SOCS5: variants seen among roughly 807,000 people sequenced by gnomAD.
SOCS5 encodes suppressor of cytokine signaling 5.
In SOCS5, 32 loss-of-function variants were observed where a neutral mutation model predicts 42.8. That is an observed-to-expected ratio of 0.75 (90% CI 0.56 to 1.01). The LOEUF is 1.01. SOCS5 is among the 50% of genes least tolerant of loss of function. The probability of loss-of-function intolerance (pLI) is 0.00; values close to 1 mark genes in which losing one functional copy is unlikely to be tolerated. For missense variants in SOCS5, 627 were observed against 653.0 expected (o/e 0.96, Z 0.43); for synonymous variants, 283 against 229.6 (o/e 1.23, Z -2.10).
intron 1 of SOCS5, among the ~76,000 whole-genome samples, chr2:46,738,687 A>G (rs992971892): frequency 2.6e-5 from 4 of 152,148 alleles, no homozygotes; most frequent in African/African-American, 9.7e-5. Context: ...TTTGTTTATA[A>G]CTGTAAAGGT....
At chr2:46,707,786 G>T (rs567693898) in intron 1 of SOCS5, among the ~76,000 whole-genome samples, 1 of 152,076 alleles carries the variant, frequency 6.6e-6, no homozygotes, top group South Asian at 2.1e-4. Context: ...ACTTACAATG[G>T]GGTTAGTCCT....
At chr2:46,718,113 G>A (rs1184876961) in intron 1 of SOCS5, among the ~76,000 whole-genome samples, 2 of 152,108 alleles carry the variant, frequency 1.3e-5, no homozygotes, top group Non-Finnish European at 2.9e-5. Context: ...GTGTGTGTGT[G>A]TGTGTTTCCC....
At position 46,713,166 on chromosome 2, in the gene SOCS5, G is replaced by A. The variant is rs760308638; in HGVS notation, c.-13+13717G>A. On this transcript the variant is annotated intron_variant, in intron 1 of 1. Coordinates refer to ENST00000394861, the MANE Select transcript of SOCS5 (RefSeq NM_144949.3). The stretch of plus-strand genomic sequence containing the variant: ...AGCCCAGAAGTTTGAGACCAGCTTG[G>A]GCAACATAGGCAGACCCCATCTCTA... Among the ~76,000 whole-genome samples the A allele has an allele frequency of 7.9e-4, 121 of 152,224 alleles. 2 individuals carry two copies. In the Middle Eastern group the frequency reaches 0.014, roughly 17 times the overall value.
At chr2:46,747,425 AGG>A (rs1673527777) in intron 1 of SOCS5, among the ~76,000 whole-genome samples, 1 of 152,122 alleles carries the variant, frequency 6.6e-6, no homozygotes. Context: ...CTTGTTGCCC[AGG>A]CTGGTCTCAA....
At chr2:46,756,897 C>T (rs557960740) in intron 1 of SOCS5, among the ~76,000 whole-genome samples, 12 of 152,226 alleles carry the variant, frequency 7.9e-5, no homozygotes, top group Non-Finnish European at 1.3e-4. Context: ...AAAATGCTTA[C>T]GAGAGAGATT....
intron 1 of SOCS5, among the ~76,000 whole-genome samples, chr2:46,719,958 A>T (rs1005175056): frequency 2.0e-5 from 3 of 152,214 alleles, no homozygotes; most frequent in Admixed American, 6.5e-5. Context: ...AAGGTAATTT[A>T]AAAAATTTAT....
intron 1 of SOCS5, among the ~76,000 whole-genome samples, chr2:46,746,922 C>CTTTTTTTTTTTTTTTTTTTTTT (rs11373537): frequency 2.7e-4 from 19 of 70,800 alleles, no homozygotes; most frequent in Non-Finnish European, 4.5e-4. Context: ...GACTTTATTT[C>CTTTTTTTTTTTTTTTTTTTTTT]TTTTTTTTTT....
At chr2:46,734,626 T>G (rs1046677685) in intron 1 of SOCS5, among the ~76,000 whole-genome samples, 1 of 152,206 alleles carries the variant, frequency 6.6e-6, no homozygotes, top group African/African-American at 2.4e-5. Context: ...CTTCTAGTCC[T>G]CAATATTTAC....
At position 46,761,227 on chromosome 2, in the gene SOCS5, T is replaced by G. The variant is rs1175583460; in HGVS notation, c.*1086T>G. 1.2e-5 allele frequency: 2 copies of G among 167,252 alleles called. No individual in the cohort carries two copies. Among genetic ancestry groups the G allele is most frequent in the African/African-American group, 4.8e-5 (2 of 41,604 alleles). 10.4% of individuals were successfully genotyped at this position (167,252 alleles called of 1,614,324 possible). On this transcript the variant is annotated 3_prime_UTR_variant, in exon 2 of 2. Coordinates refer to ENST00000394861, the MANE Select transcript of SOCS5 (RefSeq NM_144949.3). ...TACAACCATTATATCTGTAAATAAC[T>G]TAGCACCTTTTTGTCACTTAGAATA...
At chr2:46,726,722 G>T (rs1307282455) in intron 1 of SOCS5, among the ~76,000 whole-genome samples, 1 of 144,886 alleles carries the variant, frequency 6.9e-6, no homozygotes, top group Non-Finnish European at 1.5e-5. Context: ...TTCAGTTACA[G>T]TATTTTTCAG....
At position 46,703,206 on chromosome 2, in the gene SOCS5, A is replaced by G. The variant is rs556077968; in HGVS notation, c.-13+3757A>G. ...TATAGCTCGAAAGCAATGTTACTGT[A>G]CTAGTAATAGTCTTGCTATTGTTTT... is the stretch of plus-strand genomic sequence containing the variant. On this transcript the variant is annotated intron_variant, in intron 1 of 1. Coordinates refer to ENST00000394861, the MANE Select transcript of SOCS5 (RefSeq NM_144949.3). 4.5e-4 allele frequency among the ~76,000 whole-genome samples: 69 copies of G among 152,326 alleles called. No homozygotes were observed. The South Asian group carries it at 0.013, about 29-fold the overall frequency.
rs1014536554 is a variant in SOCS5, at chr2:46,761,777, C to T, written c.*1636C>T. 1.2e-4 allele frequency: 20 copies of T among 166,526 alleles called. No homozygotes were observed. The highest frequency in any genetic ancestry group is 4.8e-4 in the African/African-American group (20 of 41,448). 10.3% of individuals were successfully genotyped at this position (166,526 alleles called of 1,614,324 possible). The stretch of plus-strand genomic sequence containing the variant: ...AGCTAACTCTAAATTTAATGCTCTA[C>T]ATCTTATCAGTCATAATTATATATA... On this transcript the variant is annotated 3_prime_UTR_variant, in exon 2 of 2. Transcript: ENST00000394861.
chr2:46,735,056 C>A (rs1315493845), intron 1 of SOCS5, among the ~76,000 whole-genome samples: 1 of 152,206 alleles, frequency 6.6e-6, no homozygotes, highest in Non-Finnish European at 1.5e-5. Context: ...ATCACCTTTT[C>A]TGCGAAGCCT....
At position 46,759,379 on chromosome 2, in the gene SOCS5, A is replaced by C; in HGVS notation, c.849A>C (p.Gln283His). The change falls in exon 2 of 2, where the codon CAA becomes CAC. Residue 283 changes from glutamine (Q) to histidine (H), a missense_variant. Transcript: ENST00000394861. The part of the protein sequence containing the change: ...EEGVDPPPNA[Q>H]IHTFEATAQV... ...GGGTTGATCCCCCTCCCAATGCACAAATACATACATTTGAAGCTACTGCAC... is the reference window on the plus strand; with the variant it reads ...GGGTTGATCCCCCTCCCAATGCACACATACATACATTTGAAGCTACTGCAC... The C allele has an allele frequency of 6.2e-7, 1 of 1,613,976 alleles. No individual in the cohort carries two copies. Among genetic ancestry groups the C allele is most frequent in the Non-Finnish European group, 8.5e-7 (1 of 1,179,858 alleles).
chr2:46,733,038 G>A (rs951408175), intron 1 of SOCS5, among the ~76,000 whole-genome samples: 47 of 151,684 alleles, frequency 3.1e-4, no homozygotes, highest in African/African-American at 1.1e-3. Flanking sequence ...AAATAATTAC[G>A]TGGGTCAAAG....
chr2:46,759,089 T>C lies in SOCS5; in HGVS notation c.559T>C (p.Leu187=), dbSNP rs756458628. The C allele has an allele frequency of 2.5e-6, 4 of 1,613,888 alleles. No individual in the cohort carries two copies. The highest frequency in any genetic ancestry group is 3.4e-6 in the Non-Finnish European group (4 of 1,179,860). Residue 187 remains leucine (L), a synonymous_variant, in exon 2 of 2, where the codon TTG becomes CTG. Transcript: ENST00000394861. Reference sequence around the variant, plus strand: ...ACAGAGGTTGCAGGATACTGTGGGCTTGTGTTTTCCCATGAGAACTTACAG... The same window carrying C: ...ACAGAGGTTGCAGGATACTGTGGGCCTGTGTTTTCCCATGAGAACTTACAG... ...LRQRLQDTVG[L]CFPMRTYSKQ...
In SOCS5 at chr2:46,759,379, A is replaced by G. The variant is rs1673807074; in HGVS notation, c.849A>G (p.Gln283=). ...GGGTTGATCCCCCTCCCAATGCACA[A>G]ATACATACATTTGAAGCTACTGCAC... ...EEGVDPPPNA[Q]IHTFEATAQV... The change falls in exon 2 of 2, where the codon CAA becomes CAG. Residue 283 remains glutamine (Q), a synonymous_variant. Transcript: ENST00000394861. 1.2e-6 allele frequency: 2 copies of G among 1,613,976 alleles called. No homozygotes were observed. Among genetic ancestry groups the G allele is most frequent in the Non-Finnish European group, 1.7e-6 (2 of 1,179,858 alleles).
chr2:46,751,800 C>G (rs2103756507), intron 1 of SOCS5, among the ~76,000 whole-genome samples: 1 of 151,952 alleles, frequency 6.6e-6, no homozygotes, highest in South Asian at 2.1e-4. Flanking sequence ...CAGGGGTTGG[C>G]AAACTATGGC....
At chr2:46,723,923 C>T (rs1413712278) in intron 1 of SOCS5, among the ~76,000 whole-genome samples, 3 of 151,958 alleles carry the variant, frequency 2.0e-5, no homozygotes, top group African/African-American at 7.2e-5. Context: ...TGCTTATTTA[C>T]ATCTTTTCTT....
Sources: allele counts gnomAD v4.1 joint callset (sites outside exome capture counted in the v4.1 genomes callset), GRCh38; gene constraint gnomAD v4.1.1; transcripts MANE v1.5; gene names NCBI Gene and HGNC (gene_info 2026-07-23, HGNC 2026-07-21).